TTC28: variants seen among roughly 807,000 people sequenced by gnomAD.
TTC28 encodes tetratricopeptide repeat domain 28.
A neutral mutation model predicts 198.0 loss-of-function variants in TTC28; 61 were observed. The observed-to-expected ratio is 0.31, with a 90% CI of 0.25 to 0.38. The LOEUF is 0.38. Among genes scored for constraint, TTC28 ranks in the 10% least tolerant of loss-of-function variants. The probability of loss-of-function intolerance (pLI) is 1.00; values close to 1 mark genes in which losing one functional copy is unlikely to be tolerated. For synonymous variants in TTC28, 1,171 were observed against 1,297.8 expected, an observed-to-expected ratio of 0.90 and a Z score of 2.10; for missense variants, 2,678 against 3,164.0, an observed-to-expected ratio of 0.85 and a Z score of 3.69.
Position 28,547,184 on chromosome 22 carries a change from ATC to A in TTC28, c.381+82366_381+82367del, listed in dbSNP as rs200555374. On this transcript the variant is annotated intron_variant, in intron 2 of 22. Coordinates refer to ENST00000397906, the MANE Select transcript of TTC28 (RefSeq NM_001145418.2). ...ATACTTCAATAAAGTGATTTTTAAG[ATC>A]TCTCTGCATGTGTGTATGTGTGTGT... 7.0e-3 allele frequency among the ~76,000 whole-genome samples: 1,067 copies of A among 151,908 alleles called. 5 individuals carry two copies. The highest frequency in any genetic ancestry group is 0.013 in the Admixed American group (197 of 15,164).
intron 4 of TTC28, 59 bp downstream of exon 4, chr22:28,297,521 C>A: frequency 6.6e-7 from 1 of 1,510,834 alleles, no homozygotes; most frequent in Non-Finnish European, 8.9e-7. Flanking sequence ...TCATTCATGT[C>A]ATGTTACTCA....
intron 2 of TTC28, among the ~76,000 whole-genome samples, chr22:28,409,460 G>C (rs1027693543): frequency 2.0e-5 from 3 of 151,522 alleles, no homozygotes; most frequent in African/African-American, 7.3e-5. Context: ...AAACAAATAA[G>C]CCAAAACAAG....
intron 5 of TTC28, among the ~76,000 whole-genome samples, chr22:28,210,783 G>C (rs909362627): frequency 5.9e-5 from 9 of 152,222 alleles, no homozygotes; most frequent in South Asian, 2.1e-4. Flanking sequence ...AGGAAATACA[G>C]AGAATGCCAC....
At chr22:28,245,307 G>A (rs1018813217) in intron 5 of TTC28, among the ~76,000 whole-genome samples, 1 of 152,090 alleles carries the variant, frequency 6.6e-6, no homozygotes, top group Admixed American at 6.6e-5. Context: ...AAACCAAAAT[G>A]CCGCAGGAAG....
intron 12 of TTC28, among the ~76,000 whole-genome samples, chr22:28,077,516 T>C (rs1941207311): frequency 6.6e-6 from 1 of 152,218 alleles, no homozygotes; most frequent in Non-Finnish European, 1.5e-5. Flanking sequence ...CAATTTACTC[T>C]TCGACCAGTC....
intron 2 of TTC28, among the ~76,000 whole-genome samples, chr22:28,513,084 G>A (rs558714795): frequency 2.7e-5 from 4 of 150,042 alleles, no homozygotes; most frequent in East Asian, 2.0e-4. Context: ...TGGATCAGGC[G>A]ATCCTCTCAC....
chr22:28,263,773 C>A (rs1445972170), intron 5 of TTC28, among the ~76,000 whole-genome samples: 3 of 151,932 alleles, frequency 2.0e-5, no homozygotes, highest in Non-Finnish European at 4.4e-5. Flanking sequence ...AAGTTTTGAT[C>A]TCAGAACAAA....
chr22:28,236,735 T>C (rs1443351777), intron 5 of TTC28, among the ~76,000 whole-genome samples: 5 of 152,204 alleles, frequency 3.3e-5, no homozygotes, highest in Admixed American at 3.3e-4. Context: ...CTCAACACTT[T>C]AAATTCCAGC....
In TTC28 at chr22:27,997,063, G is replaced by T. The variant is rs973390553; in HGVS notation, c.5120-804C>A. Among the ~76,000 whole-genome samples the T allele has an allele frequency of 3.9e-5, 6 of 152,352 alleles. No individual in the cohort carries two copies. In the South Asian group the frequency reaches 8.3e-4, roughly 21 times the overall value. The stretch of plus-strand genomic sequence containing the variant: ...AGTAGGTTTTGTGGGATGCTGTGGG[G>T]CCCAAAGCCCCTTCTGACTGCCAGG... On this transcript the variant is annotated intron_variant, in intron 16 of 22. Transcript: ENST00000397906.
chr22:28,253,990 G>T (rs926926110), intron 5 of TTC28, among the ~76,000 whole-genome samples: 1 of 151,704 alleles, frequency 6.6e-6, no homozygotes, highest in Middle Eastern at 3.4e-3. Context: ...TTGTAATCCC[G>T]CTACCTGGGA....
intron 5 of TTC28, among the ~76,000 whole-genome samples, chr22:28,263,947 A>G (rs1000796540): frequency 2.1e-4 from 32 of 152,078 alleles, no homozygotes; most frequent in African/African-American, 7.7e-4. Context: ...ATACAGGAGG[A>G]TGCTGTGTTT....
rs149398564 is a variant in TTC28 at position 28,468,360 on chromosome 22, G to A, written c.381+161192C>T. Among the ~76,000 whole-genome samples the A allele has an allele frequency of 8.8e-3, 1,332 of 152,198 alleles. 17 individuals are homozygous for A. The highest frequency in any genetic ancestry group is 0.03 in the African/African-American group (1,235 of 41,522). ...CACAGAATCTATTTATTTCAGTGAC[G>A]ACAAAAGCTACTTAAATCAACAATC... On this transcript the variant is annotated intron_variant, in intron 2 of 22. Coordinates refer to ENST00000397906, the MANE Select transcript of TTC28 (RefSeq NM_001145418.2).
chr22:28,252,972 G>GT (rs1449097837), intron 5 of TTC28, among the ~76,000 whole-genome samples: 6 of 152,040 alleles, frequency 3.9e-5, no homozygotes, highest in Admixed American at 3.9e-4. Context: ...GCTATAGTTT[G>GT]TTTTTTTCCT....
intron 2 of TTC28, among the ~76,000 whole-genome samples, chr22:28,549,005 C>G (rs181414656): frequency 6.6e-6 from 1 of 152,124 alleles, no homozygotes; most frequent in Non-Finnish European, 1.5e-5. Context: ...ATTCTAACAC[C>G]TCTAAATTCT....
chr22:28,674,603 T>G (rs1413985393), intron 1 of TTC28, among the ~76,000 whole-genome samples: 1 of 151,928 alleles, frequency 6.6e-6, no homozygotes, highest in Admixed American at 6.6e-5. Context: ...GTGGATCACT[T>G]GAGGTCAGGA....
chr22:28,612,396 G>A lies in TTC28; in HGVS notation c.381+17156C>T, dbSNP rs541177976. On this transcript the variant is annotated intron_variant, in intron 2 of 22. Transcript: ENST00000397906. Reference sequence around the variant, plus strand: ...AAAGTGAGAGACTTTAATACCCCACGGTCAATATTAGACAGATCAATGAGA... The same window carrying A: ...AAAGTGAGAGACTTTAATACCCCACAGTCAATATTAGACAGATCAATGAGA... Among the ~76,000 whole-genome samples the A allele has an allele frequency of 7.2e-5, 11 of 152,072 alleles. No homozygotes were observed. In the South Asian group the frequency reaches 1.0e-3, roughly 14 times the overall value.
At chr22:28,225,634 C>T (rs1221105257) in intron 5 of TTC28, among the ~76,000 whole-genome samples, 1 of 152,108 alleles carries the variant, frequency 6.6e-6, no homozygotes, top group African/African-American at 2.4e-5. Flanking sequence ...AGGTAATTGA[C>T]AAAAAATAAA....
At chr22:28,424,514 T>G (rs897431150) in intron 2 of TTC28, among the ~76,000 whole-genome samples, 12 of 152,236 alleles carry the variant, frequency 7.9e-5, no homozygotes, top group African/African-American at 2.4e-4. Context: ...TGATGCCTTT[T>G]TAGGTCCTTT....
intron 2 of TTC28, among the ~76,000 whole-genome samples, chr22:28,337,963 T>C (rs1281636758): frequency 9.2e-5 from 14 of 152,240 alleles, no homozygotes; most frequent in Admixed American, 9.2e-4. Context: ...TGGCATGTTT[T>C]TGCAGTGGCT....
Sources: allele counts gnomAD v4.1 joint callset (sites outside exome capture counted in the v4.1 genomes callset), GRCh38; gene constraint gnomAD v4.1.1; transcripts MANE v1.5; gene names NCBI Gene and HGNC (gene_info 2026-07-23, HGNC 2026-07-21).